The following KSR2 variants were observed in gnomAD, a reference collection of about 807,000 sequenced individuals.
The protein encoded by KSR2 is kinase suppressor of ras 2.
In KSR2, 25 loss-of-function variants were observed where a neutral mutation model predicts 107.8. That is an observed-to-expected ratio of 0.23 (90% CI 0.17 to 0.32). The LOEUF (loss-of-function observed/expected upper bound fraction) is 0.32, where lower values mean the gene tolerates loss of function less well. Ranked by LOEUF, KSR2 falls within the 10% of genes least tolerant of loss-of-function variation. KSR2 has a pLI of 1.00. For missense variants in KSR2, 887 were observed against 1,268.9 expected (o/e 0.70, Z 4.57); for synonymous variants, 480 against 507.0 (o/e 0.95, Z 0.71).
chr12:117,824,642 G>T (rs1891675803), intron 3 of KSR2, among the ~76,000 whole-genome samples: 1 of 151,754 alleles, frequency 6.6e-6, no homozygotes, highest in Non-Finnish European at 1.5e-5. Flanking sequence ...GGATCACGAG[G>T]TCAGGAGATC....
chr12:117,656,941 G>GATATATATATATATATATATAT (rs71099068), intron 5 of KSR2, among the ~76,000 whole-genome samples: 3 of 102,482 alleles, frequency 2.9e-5, no homozygotes, highest in African/African-American at 4.5e-5. Flanking sequence ...TATATAATAG[G>GATATATATATATATATATATAT]ATATATATAT....
chr12:117,757,861 C>T (rs1285987920), intron 4 of KSR2, among the ~76,000 whole-genome samples: 1 of 152,190 alleles, frequency 6.6e-6, no homozygotes, highest in Non-Finnish European at 1.5e-5. Flanking sequence ...AAATTCGTGT[C>T]ATTCACTTTG....
rs5801239 is a variant in KSR2 at position 117,535,604 on chromosome 12, TTGTGTGTGTGTG to T, written c.1688-3909_1688-3898del. Among the ~76,000 whole-genome samples the T allele has an allele frequency of 4.2e-3, 593 of 142,210 alleles. 3 individuals are homozygous for T. The highest frequency in any genetic ancestry group is 8.0e-3 in the African/African-American group (298 of 37,444). The allele number at this position is 142,210 out of a possible 152,430, so 93.3% of individuals were successfully genotyped here. On this transcript the variant is annotated intron_variant, in intron 10 of 19. Coordinates refer to ENST00000339824, the MANE Select transcript of KSR2 (RefSeq NM_173598.6). ...CATTAGAATTCACCATTTCCTGGAG[TTGTGTGTGTGTG>T]TGTGTGTGTGTGTGTGTGTGTGTGT...
chr12:117,761,408 G>C lies in KSR2; in HGVS notation c.589C>G (p.Gln197Glu), dbSNP rs371215270. The part of the protein sequence containing the change: ...PTPWIRTHLS[Q>E]SPRVPSKCVQ... ...CACTTGGACGGGACCCTGGGGCTCT[G>C]GGAGAGATGGGTGCGGATCCACGGG... is the stretch of plus-strand genomic sequence containing the variant. The change falls in exon 4 of 20, where the codon CAG becomes GAG. Residue 197 changes from glutamine to glutamate, a missense_variant. Transcript: ENST00000339824. 179 of 1,609,016 alleles carry C rather than the reference G, an allele frequency of 1.1e-4. No homozygotes were observed. In the African/African-American group the frequency reaches 2.1e-3, roughly 19 times the overall value.
intron 1 of KSR2, among the ~76,000 whole-genome samples, chr12:117,908,103 A>G (rs10774969): frequency 0.28 from 42,634 of 152,094 alleles, 6,437 homozygotes; most frequent in East Asian, 0.53. Context: ...TCTTTAATTC[A>G]TATTTCGTGT....
intron 1 of KSR2, among the ~76,000 whole-genome samples, chr12:117,956,632 T>C (rs974959285): frequency 6.7e-6 from 1 of 150,268 alleles, no homozygotes; most frequent in African/African-American, 2.5e-5. Context: ...TTTTCCTTCA[T>C]ACTAAGAGTT....
In KSR2 at chr12:117,460,170, T is replaced by C. The variant is rs1870823040; in HGVS notation, c.*7029A>G. 1 of 152,072 alleles carries C rather than the reference T, an allele frequency of 6.6e-6. No individual in the cohort carries two copies. The highest frequency in any genetic ancestry group is 2.4e-5 in the African/African-American group (1 of 41,388). The allele number at this position is 152,072 out of a possible 1,614,324, so 9.4% of individuals were successfully genotyped here. A position where few individuals can be genotyped will look rare whatever the true frequency, so the allele number is the denominator to read the frequency against. Reference sequence around the variant, plus strand: ...TATGGGACATGCTTGGGAAACAAGGTCTTATTTAGATCAGGCACATTCTAG... The same window carrying C: ...TATGGGACATGCTTGGGAAACAAGGCCTTATTTAGATCAGGCACATTCTAG... On this transcript the variant is annotated 3_prime_UTR_variant, in exon 20 of 20. Coordinates refer to ENST00000339824, the MANE Select transcript of KSR2 (RefSeq NM_173598.6).
rs572753104 is a variant in KSR2 at position 117,924,079 on chromosome 12, T to C, written c.180+43997A>G. Among the ~76,000 whole-genome samples the C allele has an allele frequency of 1.5e-4, 22 of 151,284 alleles. No individual in the cohort carries two copies. In the East Asian group the frequency reaches 4.4e-3, roughly 30 times the overall value. The stretch of plus-strand genomic sequence containing the variant: ...TCTTAGTAGAGACGGGGTTTCTCCA[T>C]GTTGGTCAGGCTGGTCTCGAACTCC... On this transcript the variant is annotated intron_variant, in intron 1 of 19. Coordinates refer to ENST00000339824, the MANE Select transcript of KSR2 (RefSeq NM_173598.6).
At chr12:117,816,382 T>C (rs1891369383) in intron 3 of KSR2, among the ~76,000 whole-genome samples, 1 of 152,160 alleles carries the variant, frequency 6.6e-6, no homozygotes, top group Non-Finnish European at 1.5e-5. Flanking sequence ...CCAGCTATCA[T>C]GGTGCAGAGA....
chr12:117,469,592 A>G, intron 19 of KSR2, 70 bp downstream of exon 19: 6 of 1,560,644 alleles, frequency 3.8e-6, no homozygotes, highest in Non-Finnish European at 5.2e-6. Flanking sequence ...AAAGATGCAG[A>G]GGGGATCAAA....
At chr12:117,693,230 TAAAG>T (rs1294991970) in intron 4 of KSR2, among the ~76,000 whole-genome samples, 1 of 152,040 alleles carries the variant, frequency 6.6e-6, no homozygotes, top group Non-Finnish European at 1.5e-5. Flanking sequence ...AACAAATAAA[TAAAG>T]ACAAATGAAA....
At chr12:117,476,241 A>G (rs546087040) in intron 17 of KSR2, among the ~76,000 whole-genome samples, 28 of 152,368 alleles carry the variant, frequency 1.8e-4, no homozygotes, top group African/African-American at 6.7e-4. Context: ...GAGTTGGGTA[A>G]CTTGTTAAGG....
intron 5 of KSR2, among the ~76,000 whole-genome samples, chr12:117,584,807 T>C (rs1032845900): frequency 2.0e-4 from 31 of 152,180 alleles, no homozygotes; most frequent in Non-Finnish European, 5.9e-5. Flanking sequence ...CTGGAAGCTA[T>C]CCCTCTGTGT....
intron 1 of KSR2, among the ~76,000 whole-genome samples, chr12:117,951,712 T>A (rs570557386): frequency 1.3e-5 from 2 of 152,252 alleles, no homozygotes; most frequent in Admixed American, 1.3e-4. Context: ...CTCTACCTGC[T>A]AGGTTCCAGA....
At chr12:117,825,726 T>C (rs771729045) in intron 3 of KSR2, among the ~76,000 whole-genome samples, 2 of 152,144 alleles carry the variant, frequency 1.3e-5, no homozygotes, top group Non-Finnish European at 2.9e-5. Context: ...GCTTTGCTCA[T>C]CATTTCTAAA....
chr12:117,665,874 C>G (rs897716288), intron 5 of KSR2, among the ~76,000 whole-genome samples: 1 of 152,204 alleles, frequency 6.6e-6, no homozygotes. Flanking sequence ...GGCATCTGCT[C>G]CTGGTCGTGA....
intron 5 of KSR2, among the ~76,000 whole-genome samples, chr12:117,617,743 G>A (rs1881965090): frequency 6.6e-6 from 1 of 152,158 alleles, no homozygotes; most frequent in Non-Finnish European, 1.5e-5. Flanking sequence ...GTGATTAGAA[G>A]TTCTGTTTCT....
intron 3 of KSR2, among the ~76,000 whole-genome samples, chr12:117,811,882 C>A (rs1891201255): frequency 6.6e-6 from 1 of 152,204 alleles, no homozygotes; most frequent in African/African-American, 2.4e-5. Context: ...GGACCTGAGG[C>A]AACTCCCAGG....
chr12:117,643,153 A>C (rs2059180137), intron 5 of KSR2, among the ~76,000 whole-genome samples: 1 of 152,156 alleles, frequency 6.6e-6, no homozygotes, highest in Admixed American at 6.5e-5. Context: ...CTAAATAGAA[A>C]CCATCAGCCG....
Sources: gnomAD v4.1 joint callset for allele counts (sites outside exome capture counted in the v4.1 genomes callset) on GRCh38, gnomAD v4.1.1 for gene constraint, MANE v1.5 for transcripts, NCBI Gene and HGNC (gene_info 2026-07-23, HGNC 2026-07-21) for gene names.